TENM2: variants seen among roughly 807,000 people sequenced by gnomAD.
TENM2 encodes the protein teneurin transmembrane protein 2, also known as teneurin-2.
A neutral mutation model predicts 245.2 loss-of-function variants in TENM2; 52 were observed. The ratio of observed to expected loss-of-function variants is 0.21; its 90% CI spans 0.17 to 0.27. TENM2 has a LOEUF of 0.27. Ranked by LOEUF, TENM2 falls within the 10% of genes least tolerant of loss-of-function variation. The pLI, the probability that TENM2 is intolerant of heterozygous loss-of-function variation, is 1.00. For missense variants in TENM2, 3,046 were observed against 3,666.8 expected, an observed-to-expected ratio of 0.83 and a Z score of 4.37; for synonymous variants, 1,363 against 1,438.9, an observed-to-expected ratio of 0.95 and a Z score of 1.19.
the TENM2 span, among the ~76,000 whole-genome samples, chr5:167,189,312 G>A: frequency 6.6e-6 from 1 of 152,100 alleles, no homozygotes; most frequent in African/African-American, 2.4e-5. Context: ...ATCTACAGTT[G>A]TAATATTTGT....
At chr5:167,241,672 T>C in the TENM2 span, among the ~76,000 whole-genome samples, 3 of 152,208 alleles carry the variant, frequency 2.0e-5, no homozygotes, top group Non-Finnish European at 4.4e-5. Flanking sequence ...AGATGAGGAC[T>C]GAAGAGCAAT....
At chr5:167,207,391 G>A in the TENM2 span, among the ~76,000 whole-genome samples, 3 of 152,152 alleles carry the variant, frequency 2.0e-5, no homozygotes, top group Admixed American at 2.0e-4. Context: ...GGCCTGGTGA[G>A]ATCAGATGTT....
intron 2 of TENM2, among the ~76,000 whole-genome samples, chr5:167,634,103 T>C (rs745417426): frequency 8.5e-5 from 13 of 152,170 alleles, no homozygotes; most frequent in Non-Finnish European, 1.8e-4. Flanking sequence ...ACTGCAGGGT[T>C]GGGACAAGGG....
chr5:167,034,987 T>C, the TENM2 span, among the ~76,000 whole-genome samples: 1 of 152,314 alleles, frequency 6.6e-6, no homozygotes, highest in Non-Finnish European at 1.5e-5. Flanking sequence ...AACAATGTTT[T>C]TAAGATAGGT....
At chr5:167,340,478 A>G (rs1473745458) in intron 1 of TENM2, among the ~76,000 whole-genome samples, 1 of 152,176 alleles carries the variant, frequency 6.6e-6, no homozygotes, top group Non-Finnish European at 1.5e-5. Flanking sequence ...GCAAATGTCT[A>G]CTTTCTTGCT....
intron 4 of TENM2, among the ~76,000 whole-genome samples, chr5:167,954,923 A>G (rs1448934245): frequency 6.6e-6 from 1 of 152,206 alleles, no homozygotes; most frequent in Non-Finnish European, 1.5e-5. Context: ...TGCTGCAATA[A>G]ACATATGTGT....
In TENM2 at chr5:168,218,651, C is replaced by T. The variant is rs745542059; in HGVS notation, c.4760C>T (p.Ser1587Phe). The change falls in exon 23 of 29, where the codon TCC becomes TTC. Residue 1587 changes from serine (S) to phenylalanine (F), a missense_variant. By Grantham distance (155) the Ser-to-Phe change is radical. Around this residue, in one of 2 missense-constraint regions of TENM2, gnomAD observed 2,704 missense variants for 3,331.9 expected, o/e 0.81. Coordinates refer to ENST00000518659, the Ensembl canonical transcript of TENM2. The surrounding 1 kb of genome is among the most constrained non-coding windows in gnomAD (Gnocchi z 5.2). ...GCCTTCAACCAGTATGAGGCTGCAT[C>T]CCCCGGAGAGCAGGAGTTATATGTT... 6.2e-7 allele frequency: 1 copy of T among 1,613,946 alleles called. No individual in the cohort carries two copies. Among genetic ancestry groups the T allele is most frequent in the Non-Finnish European group, 8.5e-7 (1 of 1,179,858 alleles).
intron 2 of TENM2, among the ~76,000 whole-genome samples, chr5:167,422,592 C>T (rs1358793353): frequency 1.3e-5 from 2 of 152,122 alleles, no homozygotes; most frequent in Non-Finnish European, 2.9e-5. Context: ...TTTTACATTT[C>T]CCTTCCCTGC....
intron 3 of TENM2, among the ~76,000 whole-genome samples, chr5:167,887,356 C>G (rs1269982320): frequency 6.6e-5 from 10 of 152,206 alleles, no homozygotes. Context: ...GAGCTAGATC[C>G]TTATTGATCT....
the TENM2 span, among the ~76,000 whole-genome samples, chr5:167,016,651 GAAC>G: frequency 1.3e-5 from 2 of 152,172 alleles, no homozygotes; most frequent in Non-Finnish European, 2.9e-5. Context: ...CAACATGGAT[GAAC>G]AACAACCTTG....
At chr5:167,782,339 A>AAAAAT (rs60865615) in intron 2 of TENM2, among the ~76,000 whole-genome samples, 18 of 148,524 alleles carry the variant, frequency 1.2e-4, no homozygotes, top group African/African-American at 3.0e-4. Flanking sequence ...AAAAAAAAAA[A>AAAAAT]TTAAAAAGAA....
chr5:168,024,006 T>C (rs1165547495), intron 5 of TENM2, among the ~76,000 whole-genome samples: 1 of 152,204 alleles, frequency 6.6e-6, no homozygotes, highest in Non-Finnish European at 1.5e-5. Flanking sequence ...TATACACATA[T>C]ATAAACATAC....
the TENM2 span, among the ~76,000 whole-genome samples, chr5:167,207,608 AG>A: frequency 6.6e-6 from 1 of 152,184 alleles, no homozygotes; most frequent in Non-Finnish European, 1.5e-5. Context: ...AATTGTTTAG[AG>A]TCCTCTCTGT....
chr5:167,148,957 A>G, the TENM2 span, among the ~76,000 whole-genome samples: 21 of 152,178 alleles, frequency 1.4e-4, no homozygotes, highest in Non-Finnish European at 2.8e-4. Context: ...TAAGTTAGTC[A>G]GTTAATTTTT....
the TENM2 span, among the ~76,000 whole-genome samples, chr5:167,048,648 C>T: frequency 2.6e-5 from 4 of 152,098 alleles, no homozygotes; most frequent in East Asian, 7.7e-4. Flanking sequence ...AGGAAATTCA[C>T]CCTTTCAAAA....
chr5:167,622,879 CT>C (rs1338770048), intron 2 of TENM2, among the ~76,000 whole-genome samples: 2 of 152,098 alleles, frequency 1.3e-5, no homozygotes, highest in African/African-American at 4.8e-5. Flanking sequence ...CTGATAATTC[CT>C]TCTTCCACGG....
chr5:167,289,901 C>T (rs990430061), intron 1 of TENM2, among the ~76,000 whole-genome samples: 12 of 152,170 alleles, frequency 7.9e-5, no homozygotes, highest in African/African-American at 2.9e-4. Context: ...AGTTTGAAAA[C>T]CTCAGCACTT....
chr5:167,564,494 C>T (rs185078923), intron 2 of TENM2, among the ~76,000 whole-genome samples: 1 of 152,112 alleles, frequency 6.6e-6, no homozygotes, highest in Admixed American at 6.5e-5. Context: ...ATCTGGCTTA[C>T]ATTGTAAAAG....
intron 13 of TENM2, among the ~76,000 whole-genome samples, chr5:168,179,581 A>G (rs1759675431): frequency 6.6e-6 from 1 of 152,228 alleles, no homozygotes; most frequent in East Asian, 1.9e-4. Context: ...GCTTGTACAA[A>G]CATGTCATGG....
Sources: gnomAD v4.1 joint callset for allele counts (sites outside exome capture counted in the v4.1 genomes callset) on GRCh38, gnomAD v4.1.1 for gene constraint, gnomAD v4.1.1 regional missense constraint, Gnocchi (gnomAD v3.1) non-coding constraint, MANE v1.5 for transcripts, NCBI Gene and HGNC (gene_info 2026-07-23, HGNC 2026-07-21) for gene names.